CDH5: variants seen among roughly 807,000 people sequenced by gnomAD.
CDH5 encodes cadherin-5.
CDH5 carries 28 observed loss-of-function variants against 62.0 expected under a neutral mutation model. That is an observed-to-expected ratio of 0.45 (90% CI 0.33 to 0.62). The LOEUF is 0.62. Among genes scored for constraint, CDH5 ranks in the 20% least tolerant of loss-of-function variants. The probability of loss-of-function intolerance (pLI) is 0.02; values close to 1 mark genes in which losing one functional copy is unlikely to be tolerated. For synonymous variants in CDH5, 464 were observed against 445.8 expected (o/e 1.04, Z -0.52); for missense variants, 940 against 1,065.1 (o/e 0.88, Z 1.63).
intron 5 of CDH5, 139 bp downstream of exon 5, chr16:66,389,661 T>C: frequency 1.5e-6 from 1 of 684,732 alleles, no homozygotes; most frequent in Non-Finnish European, 2.3e-6. Context: ...AAGGAGTCCT[T>C]TGGGTGAAGG....
intron 8 of CDH5, among the ~76,000 whole-genome samples, chr16:66,397,633 T>C (rs911879905): frequency 6.6e-6 from 1 of 152,156 alleles, no homozygotes; most frequent in African/African-American, 2.4e-5. Context: ...CTCACTTAGG[T>C]TGTTTACCTT....
intron 1 of CDH5, among the ~76,000 whole-genome samples, chr16:66,378,752 C>T (rs1225759791): frequency 2.0e-5 from 3 of 152,186 alleles, no homozygotes; most frequent in East Asian, 1.9e-4. Context: ...ACATGTGACT[C>T]GCAAGTAGAA....
chr16:66,402,451 G>T (rs1435171729), intron 11 of CDH5, among the ~76,000 whole-genome samples: 1 of 121,428 alleles, frequency 8.2e-6, no homozygotes, highest in Non-Finnish European at 1.7e-5. Flanking sequence ...CGGGGATGGG[G>T]GTATGGGGGA....
At chr16:66,374,955 A>G (rs897159169) in intron 1 of CDH5, among the ~76,000 whole-genome samples, 3 of 148,420 alleles carry the variant, frequency 2.0e-5, no homozygotes, top group Non-Finnish European at 3.0e-5. Flanking sequence ...CTCTCCCCCC[A>G]CCCCACGACA....
At chr16:66,400,675 G>A (rs1031269126) in intron 10 of CDH5, 96 bp from the exon 11 acceptor site, 16 of 1,457,376 alleles carry the variant, frequency 1.1e-5, no homozygotes, top group East Asian at 2.3e-5. Context: ...CAGGGAGCAC[G>A]CAGGCTGGTG....
At chr16:66,371,368 C>T (rs113215268) in intron 1 of CDH5, among the ~76,000 whole-genome samples, 10 of 152,104 alleles carry the variant, frequency 6.6e-5, no homozygotes, top group South Asian at 2.1e-4. Context: ...TGTTCTAGGC[C>T]GGCTCCTCCC....
intron 8 of CDH5, 102 bp from the exon 9 acceptor site, chr16:66,397,880 C>CA: frequency 7.3e-7 from 1 of 1,373,914 alleles, no homozygotes. Flanking sequence ...CCTCCTCCTG[C>CA]AAAAAGTGGC....
chr16:66,379,302 G>C lies in CDH5; in HGVS notation c.-19-17G>C. 1 of 1,562,376 alleles carries C rather than the reference G, an allele frequency of 6.4e-7. No individual in the cohort carries two copies. Among genetic ancestry groups the C allele is most frequent in the Non-Finnish European group, 8.8e-7 (1 of 1,142,620 alleles). On this transcript the variant is annotated splice_polypyrimidine_tract_variant and intron_variant, in intron 1 of 11. Coordinates refer to ENST00000341529, the MANE Select transcript of CDH5 (RefSeq NM_001795.5). ...TCGTCACTGGCCAGAGTCTGAATGT[G>C]TCTCCTCTTTCCCCAGATCTGTTCC...
intron 1 of CDH5, among the ~76,000 whole-genome samples, chr16:66,371,633 G>A (rs1178118604): frequency 6.6e-6 from 1 of 152,156 alleles, no homozygotes; most frequent in Non-Finnish European, 1.5e-5. Flanking sequence ...TCCTGGACCT[G>A]GAGCCTTCCT....
intron 11 of CDH5, among the ~76,000 whole-genome samples, chr16:66,401,971 A>G (rs1961291007): frequency 6.6e-6 from 1 of 152,162 alleles, no homozygotes; most frequent in African/African-American, 2.4e-5. Flanking sequence ...TGGCCTCGGT[A>G]TGCCCGACTT....
chr16:66,375,362 C>A (rs918718686), intron 1 of CDH5, among the ~76,000 whole-genome samples: 4 of 151,952 alleles, frequency 2.6e-5, no homozygotes, highest in Admixed American at 2.6e-4. Flanking sequence ...AACCCCTCCA[C>A]CCCAACTATC....
chr16:66,398,593 G>C (rs149830674), intron 10 of CDH5, 32 bp downstream of exon 10: 2 of 1,133,748 alleles, frequency 1.8e-6, no homozygotes, highest in Non-Finnish European at 2.7e-6. Flanking sequence ...TCAGCTGGGC[G>C]TGATGACCCA....
chr16:66,374,779 CTTTG>C (rs897118959), intron 1 of CDH5, among the ~76,000 whole-genome samples: 6 of 148,866 alleles, frequency 4.0e-5, no homozygotes, highest in Admixed American at 1.3e-4. Context: ...GAAATTTTCT[CTTTG>C]TTTAATTTTA....
At chr16:66,382,387 AC>A (rs1960912790) in intron 2 of CDH5, among the ~76,000 whole-genome samples, 1 of 152,148 alleles carries the variant, frequency 6.6e-6, no homozygotes, top group Non-Finnish European at 1.5e-5. Flanking sequence ...ACACTAGGAG[AC>A]CAGGACAGAG....
rs575305630 is a variant in CDH5 at position 66,367,579 on chromosome 16, C to T, written c.-20+821C>T. Among the ~76,000 whole-genome samples the T allele has an allele frequency of 9.6e-4, 146 of 152,366 alleles. 2 individuals carry two copies. The highest frequency in any genetic ancestry group is 3.3e-3 in the African/African-American group (138 of 41,592). On this transcript the variant is annotated intron_variant, in intron 1 of 11. Transcript: ENST00000341529. ...GTACAGATCCCAGCTCTCCCATTTG[C>T]TCTGGGGTGACCTTGGGAAAGTTAC... is the stretch of plus-strand genomic sequence containing the variant.
chr16:66,402,470 G>T (rs1346159501), intron 11 of CDH5, among the ~76,000 whole-genome samples, 182 bp from the exon 12 acceptor site: 1 of 115,210 alleles, frequency 8.7e-6, no homozygotes, highest in Non-Finnish European at 1.8e-5. Context: ...GAACGGCGGG[G>T]ATGGGGTTGC....
chr16:66,392,872 G>A (rs1476450684), intron 7 of CDH5: 1 of 158,046 alleles, frequency 6.3e-6, no homozygotes, highest in Non-Finnish European at 1.4e-5. Flanking sequence ...GCCTAACCTG[G>A]TCCTATTGCT....
At chr16:66,379,267 A>C in intron 1 of CDH5, 52 bp from the exon 2 acceptor site, 2 of 1,313,508 alleles carry the variant, frequency 1.5e-6, no homozygotes, top group Non-Finnish European at 1.1e-6. Flanking sequence ...GTGTCTAAGT[A>C]CTCCTTTCAT....
chr16:66,388,143 C>T (rs1381713532), intron 3 of CDH5, among the ~76,000 whole-genome samples, 181 bp from the exon 4 acceptor site: 1 of 152,208 alleles, frequency 6.6e-6, no homozygotes, highest in African/African-American at 2.4e-5. Context: ...TGGCTGGGCC[C>T]CCACTGCCAC....
Sources: gnomAD v4.1 joint callset for allele counts (sites outside exome capture counted in the v4.1 genomes callset) on GRCh38, gnomAD v4.1.1 for gene constraint, MANE v1.5 for transcripts, NCBI Gene and HGNC (gene_info 2026-07-23, HGNC 2026-07-21) for gene names.